RNF4: variants seen among roughly 807,000 people sequenced by gnomAD.
The protein encoded by RNF4 is E3 ubiquitin-protein ligase RNF4.
Under a neutral mutation model 24.3 loss-of-function variants are expected in RNF4, and 7 were observed. The ratio of observed to expected loss-of-function variants is 0.29; its 90% CI spans 0.16 to 0.54. The LOEUF is 0.54. Ranked by LOEUF, RNF4 falls within the 20% of genes least tolerant of loss-of-function variation. The pLI is 0.95. For missense variants in RNF4, 209 were observed against 248.5 expected, an observed-to-expected ratio of 0.84 and a Z score of 1.07; for synonymous variants, 83 against 84.3, an observed-to-expected ratio of 0.98 and a Z score of 0.09.
At chr4:2,511,832 T>C (rs1736276683) in intron 4 of RNF4, 124 bp from the exon 5 acceptor site, 1 of 964,806 alleles carries the variant, frequency 1.0e-6, no homozygotes, top group Admixed American at 2.1e-5. Context: ...GGGTGGGGCC[T>C]CTGCTGCTCA....
intron 4 of RNF4, among the ~76,000 whole-genome samples, chr4:2,510,756 G>A (rs531272269): frequency 9.8e-5 from 15 of 152,330 alleles, no homozygotes; most frequent in African/African-American, 3.4e-4. Flanking sequence ...CCCCTCCTAC[G>A]TGCTCAGCAA....
Position 2,513,651 on chromosome 4 carries a change from T to C in RNF4, c.424-19T>C, listed in dbSNP as rs931058727. 6.2e-7 allele frequency: 1 copy of C among 1,612,470 alleles called. No individual in the cohort carries two copies. The highest frequency in any genetic ancestry group is 8.5e-7 in the Non-Finnish European group (1 of 1,179,588). Reference sequence around the variant, plus strand: ...GGACAAGGGCAAACTCGGAGGCTCTTCTTTTTAATGCCTTCTAGATCGTGC... The same window carrying C: ...GGACAAGGGCAAACTCGGAGGCTCTCCTTTTTAATGCCTTCTAGATCGTGC... On this transcript the variant is annotated intron_variant, in intron 7 of 7. Transcript: ENST00000314289.
chr4:2,477,580 T>C (rs1371016592), intron 1 of RNF4, among the ~76,000 whole-genome samples: 1 of 151,662 alleles, frequency 6.6e-6, no homozygotes, highest in African/African-American at 2.4e-5. Flanking sequence ...GTAGACTTAA[T>C]CTAAAAAAAC....
chr4:2,497,070 T>G lies in RNF4; in HGVS notation c.73T>G (p.Ser25Ala). The G allele has an allele frequency of 6.2e-7, 1 of 1,609,544 alleles. No individual in the cohort carries two copies. Among genetic ancestry groups the G allele is most frequent in the Non-Finnish European group, 8.5e-7 (1 of 1,178,150 alleles). ...QAQKRTREATSTPEISLEAEP... is the reference protein window; with the variant it reads ...QAQKRTREATATPEISLEAEP... ...TCAGAAGCGAACTCGGGAAGCAACC[T>G]CCACCCCCGAGATCTCCTTGGAAGC... Residue 25 changes from serine (S) to alanine (A), a missense_variant, in exon 3 of 8, where the codon TCC (serine) becomes GCC (alanine). Physicochemically the swap from Ser to Ala is moderately conservative, Grantham distance 99. Coordinates refer to ENST00000314289, the MANE Select transcript of RNF4 (RefSeq NM_002938.5).
intron 2 of RNF4, among the ~76,000 whole-genome samples, chr4:2,492,396 C>G (rs1469908554): frequency 6.6e-6 from 1 of 152,144 alleles, no homozygotes; most frequent in Non-Finnish European, 1.5e-5. Context: ...CCTGGAACCC[C>G]TTGAGCTCTC....
chr4:2,483,568 T>C (rs3128834), intron 1 of RNF4, among the ~76,000 whole-genome samples: 136,397 of 152,194 alleles, frequency 0.9, 61,328 homozygotes, highest in African/African-American at 0.97. Flanking sequence ...CTTTGGGAAG[T>C]CAAGGTGGGC....
chr4:2,500,637 G>C (rs551288847), intron 3 of RNF4, 22 bp from the exon 4 acceptor site: 1 of 1,612,166 alleles, frequency 6.2e-7, no homozygotes, highest in African/African-American at 1.3e-5. Flanking sequence ...CTTAATGCTT[G>C]TTGAAATACT....
chr4:2,472,964 C>T (rs113326806), intron 1 of RNF4, among the ~76,000 whole-genome samples: 5 of 151,918 alleles, frequency 3.3e-5, no homozygotes, highest in African/African-American at 4.8e-5. Context: ...GGTGTGAACC[C>T]GGGAAGAGGA....
Position 2,513,192 on chromosome 4 carries a change from G to A in RNF4, c.423+61G>A, listed in dbSNP as rs1006799954. On this transcript the variant is annotated intron_variant, in intron 7 of 7. Coordinates refer to ENST00000314289, the MANE Select transcript of RNF4 (RefSeq NM_002938.5). ...TTTCTAAACTTCACTGAAAGAATTG[G>A]ATGAGACAGGATCTTCCCCCTCGGT... 3.2e-5 allele frequency: 48 copies of A among 1,481,948 alleles called. 1 individual carries two copies. Among genetic ancestry groups the A allele is most frequent in the South Asian group, 2.7e-4 (24 of 88,408 alleles). The allele number at this position is 1,481,948 out of a possible 1,614,324, so 91.8% of individuals were successfully genotyped here.
At chr4:2,501,839 C>T (rs1279106457) in intron 4 of RNF4, among the ~76,000 whole-genome samples, 2 of 151,962 alleles carry the variant, frequency 1.3e-5, no homozygotes, top group Non-Finnish European at 2.9e-5. Context: ...ATAGGGACAC[C>T]CCATAGGTGT....
In RNF4 at chr4:2,504,524, T is replaced by TTTA. The variant is rs1560411814; in HGVS notation, c.204+3788_204+3789insATT. On this transcript the variant is annotated intron_variant, in intron 4 of 7. Transcript: ENST00000314289. ...GTTTAAAACTTCTTTGTTTTATAGCTTTTATTTATTTATTTATTTATTTAT... is the reference window on the plus strand; with the variant it reads ...GTTTAAAACTTCTTTGTTTTATAGCTTTATTTATTTATTTATTTATTTATTTAT... Among the ~76,000 whole-genome samples, 805 of 140,860 alleles carry TTTA rather than the reference T, an allele frequency of 5.7e-3. 5 individuals are homozygous for TTTA. The highest frequency in any genetic ancestry group is 0.02 in the African/African-American group (750 of 38,422). The allele number at this position is 140,860 out of a possible 152,430, so 92.4% of individuals were successfully genotyped here. A position where few individuals can be genotyped will look rare whatever the true frequency, so the allele number is the denominator to read the frequency against.
chr4:2,501,789 T>G (rs1735918776), intron 4 of RNF4, among the ~76,000 whole-genome samples: 1 of 152,130 alleles, frequency 6.6e-6, no homozygotes, highest in Non-Finnish European at 1.5e-5. Flanking sequence ...GGCTCACTGG[T>G]GTTGGGGTTA....
chr4:2,492,968 T>C (rs1735625116), intron 2 of RNF4, among the ~76,000 whole-genome samples: 1 of 152,148 alleles, frequency 6.6e-6, no homozygotes, highest in Non-Finnish European at 1.5e-5. Context: ...GCTTATGTGG[T>C]TGTGATAGGA....
chr4:2,515,699 C>T lies in RNF4; in HGVS notation c.*1880C>T, dbSNP rs1197006893. On this transcript the variant is annotated 3_prime_UTR_variant, in exon 8 of 8. Coordinates refer to ENST00000314289, the MANE Select transcript of RNF4 (RefSeq NM_002938.5). Reference sequence around the variant, plus strand: ...GTTTCTACTATTCAGAAACTGCGAACTAGGGAAAGGTTGGTATGAAGAAAT... The same window carrying T: ...GTTTCTACTATTCAGAAACTGCGAATTAGGGAAAGGTTGGTATGAAGAAAT... 6.6e-6 allele frequency: 1 copy of T among 152,562 alleles called. No individual in the cohort carries two copies. The highest frequency in any genetic ancestry group is 2.4e-5 in the African/African-American group (1 of 41,408). 9.5% of individuals were successfully genotyped at this position (152,562 alleles called of 1,614,324 possible). A position where few individuals can be genotyped will look rare whatever the true frequency, so the allele number is the denominator to read the frequency against.
rs567174285 is a variant in RNF4 at position 2,495,647 on chromosome 4, G to T, written c.10-1360G>T. On this transcript the variant is annotated intron_variant, in intron 2 of 7. Transcript: ENST00000314289. ...GGAAGCTCTTTTTTTTTTGGGGGGG[G>T]GTGAGATGGAGATTTACTCTTGTTG... is the stretch of plus-strand genomic sequence containing the variant. 1.8e-3 allele frequency among the ~76,000 whole-genome samples: 261 copies of T among 146,898 alleles called. 1 individual carries two copies. The highest frequency in any genetic ancestry group is 6.0e-3 in the African/African-American group (243 of 40,388).
chr4:2,472,258 A>G (rs1335697476), intron 1 of RNF4, among the ~76,000 whole-genome samples: 2 of 152,230 alleles, frequency 1.3e-5, no homozygotes, highest in Non-Finnish European at 2.9e-5. Flanking sequence ...ATCTGTTTAC[A>G]GTATGTTTTA....
In RNF4 at chr4:2,512,793, CT is replaced by C. The variant is rs1361770742; in HGVS notation, c.374+197del. Among the ~76,000 whole-genome samples the C allele has an allele frequency of 2.0e-5, 3 of 152,200 alleles. No homozygotes were observed. The highest frequency in any genetic ancestry group is 4.4e-5 in the Non-Finnish European group (3 of 68,030). On this transcript the variant is annotated intron_variant, in intron 6 of 7. Coordinates refer to ENST00000314289, the MANE Select transcript of RNF4 (RefSeq NM_002938.5). This position sits in a 1 kb window ranked among gnomAD's most constrained non-coding sequence, Gnocchi z 4.1. ...CACTGTAACCAGAGGATGCCAAGCGCTGACACAGTGTGTGCAGACAGTCCCA... is the reference window on the plus strand; with the variant it reads ...CACTGTAACCAGAGGATGCCAAGCGCGACACAGTGTGTGCAGACAGTCCCA...
At chr4:2,489,541 C>T (rs1022832004) in intron 1 of RNF4, among the ~76,000 whole-genome samples, 5 of 152,180 alleles carry the variant, frequency 3.3e-5, no homozygotes, top group African/African-American at 7.2e-5. Flanking sequence ...CTGTGCTTAA[C>T]GAGCCCTCTG....
intron 1 of RNF4, among the ~76,000 whole-genome samples, chr4:2,476,942 T>C (rs1735096922): frequency 6.6e-6 from 1 of 151,630 alleles, no homozygotes; most frequent in South Asian, 2.1e-4. Context: ...GCACCACGTC[T>C]AGCTCATTTT....
Sources: gnomAD v4.1 joint callset for allele counts (sites outside exome capture counted in the v4.1 genomes callset) on GRCh38, gnomAD v4.1.1 for gene constraint, Gnocchi (gnomAD v3.1) non-coding constraint, MANE v1.5 for transcripts, NCBI Gene and HGNC (gene_info 2026-07-23, HGNC 2026-07-21) for gene names.